The following CHODL variants were observed in gnomAD, a reference collection of about 807,000 sequenced individuals.
CHODL encodes transmembrane protein MT75.
A neutral mutation model predicts 34.5 loss-of-function variants in CHODL; 29 were observed. That is an observed-to-expected ratio of 0.84 (90% CI 0.63 to 1.15). The LOEUF (loss-of-function observed/expected upper bound fraction) is 1.15, where lower values mean the gene tolerates loss of function less well. CHODL is among the 50% of genes most tolerant of loss of function. The probability of loss-of-function intolerance (pLI) is 0.00; values close to 1 mark genes in which losing one functional copy is unlikely to be tolerated. For missense variants in CHODL, 332 were observed against 332.5 expected (o/e 1.00, Z 0.01); for synonymous variants, 125 against 116.1 (o/e 1.08, Z -0.49).
chr21:18,122,548 A>ATT lies in CHODL; in HGVS notation c.-45+94587_-45+94588dup, dbSNP rs11415506. ...ATCCCTACCAACATATTTCTGCTCA[A>ATT]TTTTTTTTTTTACTATTTTAATGGG... is the stretch of plus-strand genomic sequence containing the variant. On this transcript the variant is annotated intron_variant, in intron 2 of 6. Transcript: ENST00000400127. Among the ~76,000 whole-genome samples, 183 of 150,076 alleles carry ATT rather than the reference A, an allele frequency of 1.2e-3. No individual in the cohort carries two copies. In the East Asian group the frequency reaches 0.014, roughly 12 times the overall value.
intron 2 of CHODL, among the ~76,000 whole-genome samples, chr21:18,071,878 A>G (rs760897280): frequency 6.6e-6 from 1 of 152,174 alleles, no homozygotes; most frequent in Non-Finnish European, 1.5e-5. Context: ...TATCAGGCTT[A>G]CTTTTGTCTT....
At chr21:18,240,265 A>G (rs184355886), upstream of CHODL, among the ~76,000 whole-genome samples, 78 of 145,124 alleles carry the variant, frequency 5.4e-4, no homozygotes, top group Middle Eastern at 3.8e-3. Flanking sequence ...TGCAAATAAC[A>G]TATGACATTC....
chr21:17,962,253 T>C (rs2146352807), intron 1 of CHODL, among the ~76,000 whole-genome samples: 1 of 152,342 alleles, frequency 6.6e-6, no homozygotes, highest in Non-Finnish European at 1.5e-5. Context: ...GGTTGATGCA[T>C]TTTGGAGCAT....
At chr21:18,251,761 A>G (rs961953743) in intron 1 of CHODL, among the ~76,000 whole-genome samples, 2 of 143,832 alleles carry the variant, frequency 1.4e-5, no homozygotes, top group Admixed American at 7.1e-5. Flanking sequence ...TTATTTTAAT[A>G]TATAAAATAA....
chr21:18,218,368 A>G (rs1057279845), intron 2 of CHODL, among the ~76,000 whole-genome samples: 2 of 152,234 alleles, frequency 1.3e-5, no homozygotes, highest in African/African-American at 4.8e-5. Flanking sequence ...CTCTGAAGCC[A>G]TGGCCTGAAC....
At chr21:18,026,453 C>CAACAGG (rs755484391) in intron 1 of CHODL, among the ~76,000 whole-genome samples, 13,337 of 152,250 alleles carry the variant, frequency 0.088, 913 homozygotes, top group African/African-American at 0.19. Flanking sequence ...AAGCTTGGAT[C>CAACAGG]ACTTTAAGGA....
chr21:17,971,198 G>C (rs1243637564), intron 1 of CHODL, among the ~76,000 whole-genome samples: 1 of 152,172 alleles, frequency 6.6e-6, no homozygotes, highest in Non-Finnish European at 1.5e-5. Flanking sequence ...AAACATACGT[G>C]TGCATATGTC....
intron 2 of CHODL, among the ~76,000 whole-genome samples, chr21:18,212,854 G>A (rs746568875): frequency 2.0e-5 from 3 of 152,024 alleles, no homozygotes; most frequent in Non-Finnish European, 2.9e-5. Context: ...AAATAATCCC[G>A]CAATGAGATG....
intron 2 of CHODL, among the ~76,000 whole-genome samples, chr21:18,037,983 C>T (rs2064330737): frequency 6.6e-6 from 1 of 151,686 alleles, no homozygotes; most frequent in African/African-American, 2.4e-5. Flanking sequence ...TTAAGACTTC[C>T]TCTTTATAAC....
rs570822946 is a variant in CHODL, at chr21:18,039,458, T to A, written c.-45+11487T>A. Among the ~76,000 whole-genome samples, 3 of 151,880 alleles carry A rather than the reference T, an allele frequency of 2.0e-5. No homozygotes were observed. In the South Asian group the frequency reaches 6.2e-4, roughly 31 times the overall value. ...ATGGATAAAAACCTTAGACATCATG[T>A]GTGAAATGTGTTCCTTGCCTATTCC... On this transcript the variant is annotated intron_variant, in intron 2 of 6. Transcript: ENST00000400127.
chr21:18,218,037 CT>C (rs2073847593), intron 2 of CHODL, among the ~76,000 whole-genome samples: 1 of 152,220 alleles, frequency 6.6e-6, no homozygotes, highest in Non-Finnish European at 1.5e-5. Flanking sequence ...CTTTCACAGG[CT>C]GGCATTGAGT....
chr21:18,217,754 A>G (rs2073844390), intron 2 of CHODL, among the ~76,000 whole-genome samples: 1 of 152,138 alleles, frequency 6.6e-6, no homozygotes, highest in Non-Finnish European at 1.5e-5. Flanking sequence ...TTCACCTATG[A>G]GCCTGCAAGT....
intron 1 of CHODL, among the ~76,000 whole-genome samples, chr21:17,985,768 A>G (rs1288440799): frequency 6.6e-6 from 1 of 152,154 alleles, no homozygotes; most frequent in African/African-American, 2.4e-5. Flanking sequence ...GGAAATAACC[A>G]CTTAAACTAG....
intron 2 of CHODL, among the ~76,000 whole-genome samples, chr21:18,237,807 AT>A (rs758794072): frequency 6.6e-6 from 1 of 152,130 alleles, no homozygotes; most frequent in Non-Finnish European, 1.5e-5. Flanking sequence ...AAACATAAAA[AT>A]TTCCCATCTA....
intron 2 of CHODL, among the ~76,000 whole-genome samples, chr21:18,187,038 G>T (rs1022325331): frequency 6.6e-6 from 1 of 152,112 alleles, no homozygotes; most frequent in Non-Finnish European, 1.5e-5. Flanking sequence ...AACAGTAAAA[G>T]TTACTGTACT....
chr21:18,248,626 TATATA>T (rs1163988746), intron 1 of CHODL, among the ~76,000 whole-genome samples: 2 of 132,262 alleles, frequency 1.5e-5, no homozygotes, highest in Non-Finnish European at 3.1e-5. Flanking sequence ...ATATATAATA[TATATA>T]ATACATATAT....
chr21:18,151,006 C>T (rs1421686669), intron 2 of CHODL, among the ~76,000 whole-genome samples: 1 of 147,976 alleles, frequency 6.8e-6, no homozygotes, highest in East Asian at 2.0e-4. Flanking sequence ...TTGCTTGAAC[C>T]TGGGAGATGG....
At chr21:18,051,487 C>T (rs2064515926) in intron 2 of CHODL, among the ~76,000 whole-genome samples, 1 of 147,900 alleles carries the variant, frequency 6.8e-6, no homozygotes, top group South Asian at 2.1e-4. Flanking sequence ...TATTTGTGTT[C>T]CTATCTCATT....
At chr21:18,180,426 G>C (rs1641692631) in intron 2 of CHODL, among the ~76,000 whole-genome samples, 1 of 152,188 alleles carries the variant, frequency 6.6e-6, no homozygotes, top group Non-Finnish European at 1.5e-5. Flanking sequence ...TTATAGGCAT[G>C]AGCTACTGCT....
Sources: gnomAD v4.1 joint callset for allele counts (sites outside exome capture counted in the v4.1 genomes callset) on GRCh38, gnomAD v4.1.1 for gene constraint, MANE v1.5 for transcripts, NCBI Gene and HGNC (gene_info 2026-07-23, HGNC 2026-07-21) for gene names.